The following CCDC172 variants were observed in gnomAD, a reference collection of about 807,000 sequenced individuals.
The protein encoded by CCDC172 is coiled-coil domain-containing protein 172.
A neutral mutation model predicts 38.0 loss-of-function variants in CCDC172; 30 were observed. The ratio of observed to expected loss-of-function variants is 0.79; its 90% CI spans 0.59 to 1.07. CCDC172 has a LOEUF of 1.07. Ranked by LOEUF, CCDC172 falls within the 50% of genes least tolerant of loss-of-function variation. The pLI is 0.00. For synonymous variants in CCDC172, 78 were observed against 88.3 expected (o/e 0.88, Z 0.66); for missense variants, 297 against 290.1 (o/e 1.02, Z -0.17).
intron 7 of CCDC172, among the ~76,000 whole-genome samples, chr10:116,375,333 A>G (rs1393243671): frequency 1.3e-5 from 2 of 152,024 alleles, no homozygotes; most frequent in African/African-American, 2.4e-5. Flanking sequence ...TCTGGGGTAC[A>G]TGTGCAGAAC....
intron 3 of CCDC172, among the ~76,000 whole-genome samples, chr10:116,338,796 C>G (rs1176209027): frequency 6.6e-6 from 1 of 152,022 alleles, no homozygotes; most frequent in Admixed American, 6.6e-5. Context: ...TTGCTTAAGT[C>G]TCATTTAGAA....
chr10:116,334,485 A>G (rs987170677), intron 3 of CCDC172, among the ~76,000 whole-genome samples: 2 of 152,038 alleles, frequency 1.3e-5, no homozygotes, highest in African/African-American at 4.8e-5. Flanking sequence ...ATGGATTTAT[A>G]TTTTTCTTAA....
At position 116,357,871 on chromosome 10, in the gene CCDC172, A is replaced by G; in HGVS notation, c.586A>G (p.Thr196Ala). 1 of 1,560,338 alleles carries G rather than the reference A, an allele frequency of 6.4e-7. No individual in the cohort carries two copies. The highest frequency in any genetic ancestry group is 8.7e-7 in the Non-Finnish European group (1 of 1,150,170). Residue 196 changes from threonine (T) to alanine (A), a missense_variant, in exon 7 of 9, where the codon ACC becomes GCC. Coordinates refer to ENST00000333254, the MANE Select transcript of CCDC172 (RefSeq NM_198515.3). ...TGAAGAGAATGAATCCATTTGTACT[A>G]CCAAATATCTAGAGGCAGAAAAAAT... ...EDEENESICTTKYLEAEKIKI... is the reference protein window; with the variant it reads ...EDEENESICTAKYLEAEKIKI...
chr10:116,356,240 G>A (rs1844994528), intron 5 of CCDC172, among the ~76,000 whole-genome samples: 1 of 151,968 alleles, frequency 6.6e-6, no homozygotes, highest in Non-Finnish European at 1.5e-5. Flanking sequence ...TGAGGCAGGA[G>A]AATCGCTTGA....
At chr10:116,357,765 CTTA>C (rs1431497709) in intron 6 of CCDC172, 68 bp from the exon 7 acceptor site, 11 of 847,728 alleles carry the variant, frequency 1.3e-5, no homozygotes, top group African/African-American at 1.8e-5. Flanking sequence ...GAGTACTGTT[CTTA>C]TGAGTGAATA....
At chr10:116,369,907 G>T (rs1845166073) in intron 7 of CCDC172, among the ~76,000 whole-genome samples, 2 of 151,894 alleles carry the variant, frequency 1.3e-5, no homozygotes, top group Admixed American at 6.6e-5. Flanking sequence ...CAGTGTGATA[G>T]ATGAGAAACA....
intron 5 of CCDC172, among the ~76,000 whole-genome samples, chr10:116,352,011 G>A (rs780420837): frequency 2.0e-5 from 3 of 152,100 alleles, no homozygotes; most frequent in Non-Finnish European, 2.9e-5. Flanking sequence ...ATACAGACAG[G>A]AAACCCCACT....
At chr10:116,364,930 C>G (rs866764397) in intron 7 of CCDC172, among the ~76,000 whole-genome samples, 2 of 152,004 alleles carry the variant, frequency 1.3e-5, no homozygotes, top group Admixed American at 6.6e-5. Context: ...TGTAATGATG[C>G]AGGAAATTAT....
At chr10:116,344,500 C>T (rs1042326848) in intron 5 of CCDC172, among the ~76,000 whole-genome samples, 3 of 152,082 alleles carry the variant, frequency 2.0e-5, no homozygotes, top group African/African-American at 4.8e-5. Flanking sequence ...CTCTATAGGG[C>T]ACCTTTATAG....
chr10:116,357,895 A>G lies in CCDC172; in HGVS notation c.610A>G (p.Ile204Val). The G allele has an allele frequency of 6.3e-7, 1 of 1,579,884 alleles. No homozygotes were observed. The highest frequency in any genetic ancestry group is 8.6e-7 in the Non-Finnish European group (1 of 1,163,410). ...CTTKYLEAEK[I>V]KISEKPQNDT... The stretch of plus-strand genomic sequence containing the variant: ...TACCAAATATCTAGAGGCAGAAAAA[A>G]TAAAAATCAGTGAAAAGCCTCAAAA... Residue 204 changes from isoleucine to valine, a missense_variant, in exon 7 of 9, where the codon ATA becomes GTA. Physicochemically the swap from Ile to Val is conservative, Grantham distance 29. Transcript: ENST00000333254.
intron 7 of CCDC172, among the ~76,000 whole-genome samples, chr10:116,359,257 CA>C (rs1006080228): frequency 5.9e-5 from 9 of 151,936 alleles, no homozygotes; most frequent in African/African-American, 2.2e-4. Context: ...CTAATGATGT[CA>C]AAAAACAATA....
At chr10:116,330,698 G>C (rs755950267) in intron 3 of CCDC172, among the ~76,000 whole-genome samples, 3 of 152,066 alleles carry the variant, frequency 2.0e-5, no homozygotes, top group Non-Finnish European at 4.4e-5. Context: ...AAGCAGATAT[G>C]AGAGTCCAGC....
chr10:116,339,985 G>A (rs1053564842), intron 3 of CCDC172, among the ~76,000 whole-genome samples: 1 of 151,890 alleles, frequency 6.6e-6, no homozygotes, highest in Non-Finnish European at 1.5e-5. Context: ...GCTTTCTTAT[G>A]AGGGCTAGTA....
intron 3 of CCDC172, among the ~76,000 whole-genome samples, chr10:116,331,546 A>C (rs1424105745): frequency 6.6e-6 from 1 of 152,180 alleles, no homozygotes; most frequent in Non-Finnish European, 1.5e-5. Context: ...TGCCTGAATA[A>C]TAGTAGGTAT....
chr10:116,372,486 CT>C (rs1845196524), intron 7 of CCDC172, among the ~76,000 whole-genome samples: 1 of 152,120 alleles, frequency 6.6e-6, no homozygotes, highest in African/African-American at 2.4e-5. Context: ...GCCCCAGCCC[CT>C]GATCTGTTTT....
Position 116,340,768 on chromosome 10 carries a change from A to G in CCDC172, c.200A>G (p.Gln67Arg). The change falls in exon 4 of 9, where the codon CAG becomes CGG. Residue 67 changes from glutamine (Q) to arginine (R), a missense_variant. Gln to Arg is a conservative substitution (Grantham distance 43). Transcript: ENST00000333254. ...TTTTTTGAAAAATCCTTCTTCTTAC[A>G]GCTTTTGAAAGCTCATGAAAATGCT... ...QQFFEKSFFL[Q>R]LLKAHENALE... 1.2e-6 allele frequency: 2 copies of G among 1,603,362 alleles called. No homozygotes were observed. The highest frequency in any genetic ancestry group is 1.7e-6 in the Non-Finnish European group (2 of 1,173,296).
intron 7 of CCDC172, among the ~76,000 whole-genome samples, chr10:116,367,999 C>T (rs1041301759): frequency 9.2e-5 from 14 of 152,028 alleles, no homozygotes; most frequent in Non-Finnish European, 1.6e-4. Flanking sequence ...TCAGTTTGTA[C>T]TTATTTGTTC....
intron 3 of CCDC172, among the ~76,000 whole-genome samples, chr10:116,333,939 G>C (rs944917766): frequency 6.6e-6 from 1 of 152,122 alleles, no homozygotes; most frequent in African/African-American, 2.4e-5. Context: ...AGAATTTCTC[G>C]TGTAGGCTTT....
In CCDC172 at chr10:116,379,807, C is replaced by T. The variant is rs1845290776; in HGVS notation, c.*449C>T. ...TTCTCATGAATAGCTTAGCACCATT[C>T]TTCTTGGTACTGTCCTTGAGTTCTC... On this transcript the variant is annotated 3_prime_UTR_variant, in exon 9 of 9. Transcript: ENST00000333254. 6.5e-6 allele frequency: 1 copy of T among 152,872 alleles called. No individual in the cohort carries two copies. The highest frequency in any genetic ancestry group is 6.5e-5 in the Admixed American group (1 of 15,292). 9.5% of individuals were successfully genotyped at this position (152,872 alleles called of 1,614,324 possible). A position where few individuals can be genotyped will look rare whatever the true frequency, so the allele number is the denominator to read the frequency against.
Sources: gnomAD v4.1 joint callset for allele counts (sites outside exome capture counted in the v4.1 genomes callset) on GRCh38, gnomAD v4.1.1 for gene constraint, MANE v1.5 for transcripts, NCBI Gene and HGNC (gene_info 2026-07-23, HGNC 2026-07-21) for gene names.